The following CDIN1 variants were observed in gnomAD, a reference collection of about 807,000 sequenced individuals.
CDIN1 encodes the protein CDAN1-interacting nuclease 1.
CDIN1 carries 33 observed loss-of-function variants against 45.3 expected under a neutral mutation model. The ratio of observed to expected loss-of-function variants is 0.73; its 90% CI spans 0.55 to 0.97. CDIN1 has a LOEUF of 0.97. Ranked by LOEUF, CDIN1 falls within the 50% of genes least tolerant of loss-of-function variation. The probability of loss-of-function intolerance (pLI) is 0.00; values close to 1 mark genes in which losing one functional copy is unlikely to be tolerated. For synonymous variants in CDIN1, 118 were observed against 124.4 expected, an observed-to-expected ratio of 0.95 and a Z score of 0.34; for missense variants, 303 against 339.4, an observed-to-expected ratio of 0.89 and a Z score of 0.84.
chr15:36,679,003 G>C (rs182182940), intron 5 of CDIN1, among the ~76,000 whole-genome samples: 1 of 152,212 alleles, frequency 6.6e-6, no homozygotes, highest in Non-Finnish European at 1.5e-5. Flanking sequence ...TTAGCTGGGG[G>C]AAAATTCTTC....
At chr15:36,581,160 C>T (rs1228657075) in intron 1 of CDIN1, among the ~76,000 whole-genome samples, 1 of 152,182 alleles carries the variant, frequency 6.6e-6, no homozygotes, top group East Asian at 1.9e-4. Flanking sequence ...TTAACTCTTG[C>T]CAGTTCTGCA....
rs542852691 is a variant in CDIN1, at chr15:36,624,277, A to C, written c.102-20001A>C. On this transcript the variant is annotated intron_variant, in intron 1 of 10. Transcript: ENST00000566621. The stretch of plus-strand genomic sequence containing the variant: ...TTTGTAGCCATCTAAGATTGGATTT[A>C]TTGGAATGAATAACATTAAGTGCTG... Among the ~76,000 whole-genome samples the C allele has an allele frequency of 2.6e-5, 4 of 152,334 alleles. No homozygotes were observed. In the East Asian group the frequency reaches 7.7e-4, roughly 29 times the overall value.
chr15:36,594,198 C>T (rs909679825), intron 1 of CDIN1, among the ~76,000 whole-genome samples: 2 of 152,084 alleles, frequency 1.3e-5, no homozygotes, highest in African/African-American at 4.8e-5. Flanking sequence ...CAGGTTTAGA[C>T]CTACTTCAGT....
chr15:36,762,833 T>C (rs2053808527), intron 10 of CDIN1, among the ~76,000 whole-genome samples: 1 of 152,182 alleles, frequency 6.6e-6, no homozygotes, highest in Non-Finnish European at 1.5e-5. Context: ...CATCCTTTTT[T>C]ATGGCTGCAT....
chr15:36,635,112 G>C (rs1024867158), intron 1 of CDIN1, among the ~76,000 whole-genome samples: 2 of 152,094 alleles, frequency 1.3e-5, no homozygotes, highest in South Asian at 2.1e-4. Context: ...GGGGCAGGGG[G>C]CCTCTAACAG....
At chr15:36,700,063 A>C (rs1039882027) in intron 8 of CDIN1, among the ~76,000 whole-genome samples, 1 of 152,192 alleles carries the variant, frequency 6.6e-6, no homozygotes, top group Non-Finnish European at 1.5e-5. Flanking sequence ...AAGTCAGATG[A>C]AGTGTCTGCT....
intron 5 of CDIN1, among the ~76,000 whole-genome samples, chr15:36,684,511 A>G (rs951892876): frequency 3.3e-5 from 5 of 152,214 alleles, no homozygotes; most frequent in African/African-American, 4.8e-5. Flanking sequence ...ATCAGTGTTC[A>G]TCAAGGATAT....
chr15:36,617,550 T>C (rs1474749805), intron 1 of CDIN1: 1 of 805,914 alleles, frequency 1.2e-6, no homozygotes, highest in African/African-American at 1.7e-5. Flanking sequence ...TCATCCCAAT[T>C]TGGACAGTTG....
intron 10 of CDIN1, among the ~76,000 whole-genome samples, chr15:36,796,995 C>T (rs7163423): frequency 0.044 from 6,695 of 152,242 alleles, 256 homozygotes; most frequent in African/African-American, 0.1. Context: ...AACCGACATA[C>T]AGAAACTGTA....
At chr15:36,601,760 A>G (rs769333457) in intron 1 of CDIN1, among the ~76,000 whole-genome samples, 2 of 152,142 alleles carry the variant, frequency 1.3e-5, no homozygotes, top group Non-Finnish European at 2.9e-5. Context: ...TATGAGTAAA[A>G]TCCTCGTGTC....
intron 5 of CDIN1, among the ~76,000 whole-genome samples, chr15:36,686,224 G>A (rs1193733871): frequency 6.6e-6 from 1 of 151,510 alleles, no homozygotes; most frequent in Non-Finnish European, 1.5e-5. Flanking sequence ...GGAATACTAT[G>A]CAGCCATAAA....
chr15:36,654,394 C>T (rs2040698077), intron 4 of CDIN1, among the ~76,000 whole-genome samples: 1 of 151,806 alleles, frequency 6.6e-6, no homozygotes, highest in Non-Finnish European at 1.5e-5. Flanking sequence ...GTATAAACAG[C>T]CTCTTGGTTT....
At chr15:36,585,928 T>C (rs1003545432) in intron 1 of CDIN1, among the ~76,000 whole-genome samples, 10 of 152,184 alleles carry the variant, frequency 6.6e-5, no homozygotes, top group African/African-American at 2.4e-4. Context: ...TAACCTGTAC[T>C]GTGACTCACA....
chr15:36,755,114 A>G (rs1449586197), intron 10 of CDIN1, among the ~76,000 whole-genome samples: 1 of 152,198 alleles, frequency 6.6e-6, no homozygotes, highest in Non-Finnish European at 1.5e-5. Context: ...TTGCATGATG[A>G]CAGCCAAGGA....
intron 5 of CDIN1, among the ~76,000 whole-genome samples, chr15:36,670,760 G>A (rs1269425451): frequency 1.3e-5 from 2 of 152,044 alleles, no homozygotes; most frequent in Non-Finnish European, 2.9e-5. Flanking sequence ...CCTGTCCATT[G>A]TAGCTGTTCC....
intron 10 of CDIN1, among the ~76,000 whole-genome samples, chr15:36,770,204 T>C (rs2054033840): frequency 6.6e-6 from 1 of 151,216 alleles, no homozygotes; most frequent in Admixed American, 6.6e-5. Flanking sequence ...GGGAGAAAAA[T>C]AAGGGACTTT....
At chr15:36,746,554 C>T (rs1208290321) in intron 10 of CDIN1, among the ~76,000 whole-genome samples, 1 of 152,060 alleles carries the variant, frequency 6.6e-6, no homozygotes, top group East Asian at 1.9e-4. Flanking sequence ...CTTCTGAGTT[C>T]TGGTGTGCTA....
Position 36,675,490 on chromosome 15 carries a change from A to G in CDIN1, c.347-16195A>G, listed in dbSNP as rs146356264. Among the ~76,000 whole-genome samples, 837 of 152,184 alleles carry G rather than the reference A, an allele frequency of 5.5e-3. 8 individuals carry two copies. The highest frequency in any genetic ancestry group is 0.02 in the African/African-American group (810 of 41,512). On this transcript the variant is annotated intron_variant, in intron 5 of 10. Transcript: ENST00000566621. ...AGACTAATTGCCCTTCTCCCTTAACACACTTTGTTTCCAGAGCCCCAAGAG... is the reference window on the plus strand; with the variant it reads ...AGACTAATTGCCCTTCTCCCTTAACGCACTTTGTTTCCAGAGCCCCAAGAG...
intron 1 of CDIN1, among the ~76,000 whole-genome samples, chr15:36,603,489 A>T (rs1226206950): frequency 6.6e-6 from 1 of 152,190 alleles, no homozygotes; most frequent in Non-Finnish European, 1.5e-5. Context: ...CTTACAAAGC[A>T]TTTTCATAAA....
Sources: allele counts gnomAD v4.1 joint callset (sites outside exome capture counted in the v4.1 genomes callset), GRCh38; gene constraint gnomAD v4.1.1; transcripts MANE v1.5; gene names NCBI Gene and HGNC (gene_info 2026-07-23, HGNC 2026-07-21).